Variants in LZTS3 observed in about 807,000 individuals in gnomAD.
The protein encoded by LZTS3 is leucine zipper putative tumor suppressor 3.
In LZTS3, 16 loss-of-function variants were observed where a neutral mutation model predicts 50.9. The observed-to-expected ratio is 0.31, with a 90% CI of 0.21 to 0.48. LZTS3 has a LOEUF of 0.48. Among genes scored for constraint, LZTS3 ranks in the 20% least tolerant of loss-of-function variants. The pLI is 0.99. For synonymous variants in LZTS3, 408 were observed against 410.6 expected, an observed-to-expected ratio of 0.99 and a Z score of 0.08; for missense variants, 816 against 931.0, an observed-to-expected ratio of 0.88 and a Z score of 1.61.
At chr20:3,166,461 C>T (rs1251898389) in intron 3 of LZTS3, 101 bp from the exon 4 acceptor site, 15 of 1,401,848 alleles carry the variant, frequency 1.1e-5, no homozygotes, top group South Asian at 1.5e-5. Context: ...ACCTCCCACC[C>T]CTACTGGATT....
chr20:3,167,175 G>A lies in LZTS3; in HGVS notation c.-12C>T. On this transcript the variant is annotated 5_prime_UTR_variant, in exon 3 of 5. Transcript: ENST00000337576. ...TCCAGCTTCGCCATGACTAAGCCAG[G>A]GGGGCACTGTGGGCACAGGTGGGAA... The A allele has an allele frequency of 6.8e-7, 1 of 1,460,424 alleles. No homozygotes were observed. The highest frequency in any genetic ancestry group is 1.4e-5 in the South Asian group (1 of 70,042). 90.5% of individuals were successfully genotyped at this position (1,460,424 alleles called of 1,614,324 possible).
At chr20:3,169,108 AC>A (rs1474938620) in intron 1 of LZTS3, among the ~76,000 whole-genome samples, 2 of 152,160 alleles carry the variant, frequency 1.3e-5, no homozygotes, top group Non-Finnish European at 2.9e-5. Context: ...AAGGGCCAGG[AC>A]TAGGATGAGG....
rs759253102 is a variant in LZTS3 at position 3,164,514 on chromosome 20, G to A, written c.1962C>T (p.Gly654=). ...GGASTPTPQH[G]EEKKAWTPSR... is the part of the protein sequence containing the mutation. The stretch of plus-strand genomic sequence containing the variant: ...AGGGGGTCCAGGCCTTCTTCTCCTC[G>A]CCATGCTGGGGAGTGGGCGTGCTTG... The change falls in exon 5 of 5, where the codon GGC becomes GGT. Residue 654 remains glycine, a synonymous_variant. Transcript: ENST00000337576. 6.3e-6 allele frequency: 10 copies of A among 1,588,158 alleles called. No individual in the cohort carries two copies. Among genetic ancestry groups the A allele is most frequent in the South Asian group, 2.3e-5 (2 of 88,264 alleles).
chr20:3,165,724 CG>C lies in LZTS3; in HGVS notation c.1095del (p.Glu366SerfsTer45). 6.4e-7 allele frequency: 1 copy of C among 1,574,394 alleles called. No homozygotes were observed. Among genetic ancestry groups the C allele is most frequent in the Non-Finnish European group, 8.6e-7 (1 of 1,168,048 alleles). ...ERQKAWEREL[A>X]ELRQGCSGKL... ...TTCCCGCTGCAGCCCTGCCGCAGCT[CG>C]GCCAGCTCCCGCTCCCACGCCTTCT... On this transcript the variant is annotated frameshift_variant, in exon 4 of 5. Transcript: ENST00000337576. LOFTEE classifies it high-confidence loss of function. The surrounding 1 kb of genome is among the most constrained non-coding windows in gnomAD (Gnocchi z 5.0).
chr20:3,166,895 T>A lies in LZTS3; in HGVS notation c.269A>T (p.Asp90Val). The A allele has an allele frequency of 6.2e-7, 1 of 1,613,318 alleles. No homozygotes were observed. The highest frequency in any genetic ancestry group is 8.5e-7 in the Non-Finnish European group (1 of 1,179,998). Residue 90 changes from aspartate to valine, a missense_variant, in exon 3 of 5, where the codon GAC (aspartate) becomes GTC (valine). By Grantham distance (152) the Asp-to-Val change is radical. This residue lies in a region of LZTS3 where 700 missense variants were observed against 769.4 expected (regional missense o/e 0.91). Transcript: ENST00000337576. The stretch of plus-strand genomic sequence containing the variant: ...GTAGAGGGAGTTGGCGAGACCCTTG[T>A]CCTCTGAGGGGTAGCGGCCCGGCCT... The part of the protein sequence containing the change: ...RERPGRYPSE[D>V]KGLANSLYLN...
At position 3,165,399 on chromosome 20, in the gene LZTS3, C is replaced by G. The variant is rs1453387113; in HGVS notation, c.1323+98G>C. The stretch of plus-strand genomic sequence containing the variant: ...TCCCCCCTGCTCCTTTCATCCCCCC[C>G]CCCATCCCACCGTTATGATAGTGAG... On this transcript the variant is annotated intron_variant, in intron 4 of 4. Coordinates refer to ENST00000337576, the MANE Select transcript of LZTS3 (RefSeq NM_001365618.1). This position sits in a 1 kb window ranked among gnomAD's most constrained non-coding sequence, Gnocchi z 5.0. 9 of 1,270,522 alleles carry G rather than the reference C, an allele frequency of 7.1e-6. No homozygotes were observed. The highest frequency in any genetic ancestry group is 5.0e-5 in the Admixed American group (2 of 40,000). The allele number at this position is 1,270,522 out of a possible 1,614,324, so 78.7% of individuals were successfully genotyped here.
Position 3,164,764 on chromosome 20 carries a change from C to T in LZTS3, c.1712G>A (p.Arg571Gln). ...EAEAGGESGTRALRREVGRLQ... is the reference protein window; with the variant it reads ...EAEAGGESGTQALRREVGRLQ... ...CCGCCCCACCTCCCGCCGCAGGGCC[C>T]GCGTCCCGCTCTCCCCGCCAGCCTC... Residue 571 changes from arginine to glutamine, a missense_variant, in exon 5 of 5, where the codon CGG (arginine) becomes CAG (glutamine). Transcript: ENST00000337576. 3 of 1,522,670 alleles carry T rather than the reference C, an allele frequency of 2.0e-6. No individual in the cohort carries two copies. The highest frequency in any genetic ancestry group is 2.5e-5 in the South Asian group (2 of 81,054). 94.3% of individuals were successfully genotyped at this position (1,522,670 alleles called of 1,614,324 possible).
In LZTS3 at chr20:3,163,088, T is replaced by A. The variant is rs981079766; in HGVS notation, c.*1366A>T. The A allele has an allele frequency of 6.6e-6, 1 of 152,640 alleles. No homozygotes were observed. Among genetic ancestry groups the A allele is most frequent in the African/African-American group, 2.4e-5 (1 of 41,448 alleles). The allele number at this position is 152,640 out of a possible 1,614,324, so 9.5% of individuals were successfully genotyped here. On this transcript the variant is annotated 3_prime_UTR_variant, in exon 5 of 5. Transcript: ENST00000337576. This position sits in a 1 kb window ranked among gnomAD's most constrained non-coding sequence, Gnocchi z 5.2. ...CTCCACCTTGCCCCCCAAAACTCAG[T>A]CTTGGGGGTGGGAGGAAGAGAGTGA...
intron 1 of LZTS3, among the ~76,000 whole-genome samples, chr20:3,169,502 G>T (rs34520085): frequency 1.3e-5 from 2 of 152,148 alleles, no homozygotes; most frequent in Admixed American, 1.3e-4. Context: ...ACCAGCGTGC[G>T]TGTGACACTG....
intron 1 of LZTS3, among the ~76,000 whole-genome samples, chr20:3,171,579 C>T (rs551395050): frequency 6.6e-6 from 1 of 151,112 alleles, no homozygotes; most frequent in Non-Finnish European, 1.5e-5. Context: ...GCATGAGAAT[C>T]GCTTGAACCC....
chr20:3,168,533 C>T (rs1291966056), intron 1 of LZTS3: 1 of 152,398 alleles, frequency 6.6e-6, no homozygotes, highest in Non-Finnish European at 1.5e-5. Context: ...GGGTGCGCGT[C>T]CCCCTCCCCC....
At chr20:3,171,724 T>C (rs541429197) in intron 1 of LZTS3, among the ~76,000 whole-genome samples, 14 of 150,648 alleles carry the variant, frequency 9.3e-5, no homozygotes, top group Non-Finnish European at 1.9e-4. Flanking sequence ...GATGTTTCCC[T>C]GGTAAGCAGG....
At chr20:3,170,151 T>G (rs905314320) in intron 1 of LZTS3, among the ~76,000 whole-genome samples, 3 of 152,088 alleles carry the variant, frequency 2.0e-5, no homozygotes, top group African/African-American at 7.2e-5. Context: ...ATTTAGGAGC[T>G]GGTCTCGAGA....
Position 3,165,513 on chromosome 20 carries a change from T to C in LZTS3, c.1307A>G (p.Glu436Gly). 1 of 1,543,612 alleles carries C rather than the reference T, an allele frequency of 6.5e-7. No individual in the cohort carries two copies. Among genetic ancestry groups the C allele is most frequent in the Non-Finnish European group, 8.7e-7 (1 of 1,150,688 alleles). The part of the protein sequence containing the change: ...KEQADFLPRI[E>G]ETKWEVCQKA... ...AGCCCGCACCTCCCACTTAGTTTCC[T>C]CTATCCGGGGCAGGAAGTCGGCCTG... The change falls in exon 4 of 5, where the codon GAG (glutamate) becomes GGG (glycine). Residue 436 changes from glutamate (E) to glycine (G), a missense_variant. This residue lies in a region of LZTS3 where 700 missense variants were observed against 769.4 expected (regional missense o/e 0.91). Coordinates refer to ENST00000337576, the MANE Select transcript of LZTS3 (RefSeq NM_001365618.1). The surrounding 1 kb of genome is among the most constrained non-coding windows in gnomAD (Gnocchi z 5.0).
chr20:3,168,265 G>A (rs1454228953), intron 1 of LZTS3: 7 of 152,298 alleles, frequency 4.6e-5, no homozygotes, highest in Non-Finnish European at 1.0e-4. Flanking sequence ...GGCTGGCTGA[G>A]GCCGGGGCAG....
chr20:3,169,276 C>T (rs974608278), intron 1 of LZTS3, among the ~76,000 whole-genome samples: 1 of 152,196 alleles, frequency 6.6e-6, no homozygotes, highest in Non-Finnish European at 1.5e-5. Flanking sequence ...CCCCCTATGC[C>T]TCAGCCCTGC....
chr20:3,163,069 C>A lies in LZTS3; in HGVS notation c.*1385G>T, dbSNP rs2122153153. 6.5e-6 allele frequency: 1 copy of A among 152,856 alleles called. No individual in the cohort carries two copies. Among genetic ancestry groups the A allele is most frequent in the South Asian group, 2.1e-4 (1 of 4,830 alleles). 9.5% of individuals were successfully genotyped at this position (152,856 alleles called of 1,614,324 possible). A position where few individuals can be genotyped will look rare whatever the true frequency, so the allele number is the denominator to read the frequency against. On this transcript the variant is annotated 3_prime_UTR_variant, in exon 5 of 5. Coordinates refer to ENST00000337576, the MANE Select transcript of LZTS3 (RefSeq NM_001365618.1). This position sits in a 1 kb window ranked among gnomAD's most constrained non-coding sequence, Gnocchi z 5.2. ...CACAGTAGTTGCCAGCTCTCTCCACCTTGCCCCCCAAAACTCAGTCTTGGG... is the reference window on the plus strand; with the variant it reads ...CACAGTAGTTGCCAGCTCTCTCCACATTGCCCCCCAAAACTCAGTCTTGGG...
chr20:3,164,071 A>G lies in LZTS3; in HGVS notation c.*383T>C, dbSNP rs1285612919. ...CTAGGAGGTGAGCACAGAGAGCATC[A>G]CTAGACACAGGGTGGCCAACAGTAG... On this transcript the variant is annotated 3_prime_UTR_variant, in exon 5 of 5. Transcript: ENST00000337576. 4 of 187,820 alleles carry G rather than the reference A, an allele frequency of 2.1e-5. No homozygotes were observed. The highest frequency in any genetic ancestry group is 3.2e-5 in the Non-Finnish European group (3 of 92,970). The allele number at this position is 187,820 out of a possible 1,614,324, so 11.6% of individuals were successfully genotyped here. A position where few individuals can be genotyped will look rare whatever the true frequency, so the allele number is the denominator to read the frequency against.
intron 1 of LZTS3, among the ~76,000 whole-genome samples, chr20:3,169,231 T>C (rs560267177): frequency 2.0e-4 from 31 of 152,260 alleles, no homozygotes; most frequent in African/African-American, 7.5e-4. Flanking sequence ...CTCACTCTAG[T>C]CCCTGCTCTG....
Sources: gnomAD v4.1 joint callset for allele counts (sites outside exome capture counted in the v4.1 genomes callset) on GRCh38, gnomAD v4.1.1 for gene constraint, gnomAD v4.1.1 regional missense constraint, Gnocchi (gnomAD v3.1) non-coding constraint, MANE v1.5 for transcripts, NCBI Gene and HGNC (gene_info 2026-07-23, HGNC 2026-07-21) for gene names.